Variants in NEDD4L observed in about 807,000 individuals in gnomAD.
NEDD4L encodes NEDD4 like E3 ubiquitin protein ligase, also known as E3 ubiquitin-protein ligase NEDD4-like.
In NEDD4L, 54 loss-of-function variants were observed where a neutral mutation model predicts 148.9. The ratio of observed to expected loss-of-function variants is 0.36; its 90% CI spans 0.29 to 0.45. NEDD4L has a LOEUF of 0.45. NEDD4L is among the 20% of genes least tolerant of loss of function. The pLI, the probability that NEDD4L is intolerant of heterozygous loss-of-function variation, is 1.00. For synonymous variants in NEDD4L, 433 were observed against 440.7 expected, an observed-to-expected ratio of 0.98 and a Z score of 0.22; for missense variants, 856 against 1,233.8, an observed-to-expected ratio of 0.69 and a Z score of 4.59.
At chr18:58,368,699 A>G (rs1436529515) in intron 22 of NEDD4L, among the ~76,000 whole-genome samples, 1 of 152,234 alleles carries the variant, frequency 6.6e-6, no homozygotes, top group Non-Finnish European at 1.5e-5. Flanking sequence ...TACTTTTCCC[A>G]TGAATATGTT....
intron 6 of NEDD4L, among the ~76,000 whole-genome samples, chr18:58,321,040 A>T (rs1264638945): frequency 6.6e-6 from 1 of 152,204 alleles, no homozygotes; most frequent in African/African-American, 2.4e-5. Flanking sequence ...TTTACTACAG[A>T]TCAGATGAAT....
At chr18:58,145,245 G>A (rs891215664) in intron 1 of NEDD4L, among the ~76,000 whole-genome samples, 1 of 152,196 alleles carries the variant, frequency 6.6e-6, no homozygotes, top group African/African-American at 2.4e-5. Flanking sequence ...GGGTCCAAGT[G>A]CCAAGGGACA....
At chr18:58,374,541 TG>T (rs1477613929) in intron 24 of NEDD4L, among the ~76,000 whole-genome samples, 7 of 151,738 alleles carry the variant, frequency 4.6e-5, no homozygotes, top group Admixed American at 3.3e-4. Context: ...ACTGTTCTCC[TG>T]CACGGGGACC....
intron 1 of NEDD4L, among the ~76,000 whole-genome samples, chr18:58,152,082 GCATTACT>G (rs1271681568): frequency 6.6e-6 from 1 of 150,508 alleles, no homozygotes; most frequent in Non-Finnish European, 1.5e-5. Context: ...TATTATGAAG[GCATTACT>G]CATGTTCTTC....
At chr18:58,306,098 A>C (rs2057026390) in intron 5 of NEDD4L, among the ~76,000 whole-genome samples, 1 of 152,202 alleles carries the variant, frequency 6.6e-6, no homozygotes, top group African/African-American at 2.4e-5. Context: ...TAAGCAGGAA[A>C]GGAGAGCCAC....
rs188822830 is a variant in NEDD4L, at chr18:58,355,132, T to G, written c.1709-2062T>G. Among the ~76,000 whole-genome samples the G allele has an allele frequency of 2.1e-3, 314 of 152,048 alleles. 3 individuals carry two copies. Among genetic ancestry groups the G allele is most frequent in the Admixed American group, 0.019 (296 of 15,278 alleles). On this transcript the variant is annotated intron_variant, in intron 18 of 30. Coordinates refer to ENST00000400345, the MANE Select transcript of NEDD4L (RefSeq NM_001144967.3). ...GGGTCGAAATCGTTATTTAGAGAGA[T>G]CCTTTTGGCAGAGCTGTAGAAGATG...
chr18:58,302,517 T>G (rs1447033243), intron 5 of NEDD4L, among the ~76,000 whole-genome samples: 1 of 152,236 alleles, frequency 6.6e-6, no homozygotes, highest in Admixed American at 6.5e-5. Context: ...ACCAGATGAA[T>G]TGAACCACTG....
chr18:58,044,468 A>C lies in NEDD4L; in HGVS notation c.-193A>C. 1 of 610,150 alleles carries C rather than the reference A, an allele frequency of 1.6e-6. No individual in the cohort carries two copies. Among genetic ancestry groups the C allele is most frequent in the Non-Finnish European group, 2.3e-6 (1 of 427,530 alleles). 37.8% of individuals were successfully genotyped at this position (610,150 alleles called of 1,614,324 possible). ...GCTGGTCCCGCAGCCTTCCGGGAGG[A>C]AGCGGTGCCGGCAGCGTCCAGGGCG... On this transcript the variant is annotated 5_prime_UTR_variant, in exon 1 of 31. Coordinates refer to ENST00000400345, the MANE Select transcript of NEDD4L (RefSeq NM_001144967.3).
intron 5 of NEDD4L, among the ~76,000 whole-genome samples, chr18:58,286,480 T>G (rs1202511933): frequency 6.6e-6 from 1 of 152,206 alleles, no homozygotes; most frequent in Non-Finnish European, 1.5e-5. Context: ...AATTTAGTCA[T>G]AAGCGTCTGT....
rs140772706 is a variant in NEDD4L, at chr18:58,200,529, C to T, written c.122+34668C>T. ...ACATATGCAGGCCTATTTTAATTGA[C>T]GGTAAGTCATGAAATACACTATTTT... On this transcript the variant is annotated intron_variant, in intron 2 of 30. Coordinates refer to ENST00000400345, the MANE Select transcript of NEDD4L (RefSeq NM_001144967.3). Among the ~76,000 whole-genome samples the T allele has an allele frequency of 3.9e-3, 590 of 152,254 alleles. 5 individuals carry two copies. Among genetic ancestry groups the T allele is most frequent in the African/African-American group, 0.013 (555 of 41,542 alleles).
At chr18:58,253,174 T>C (rs960593499) in intron 5 of NEDD4L, among the ~76,000 whole-genome samples, 1 of 152,206 alleles carries the variant, frequency 6.6e-6, no homozygotes. Flanking sequence ...ATATTTGAAT[T>C]GGAGGAGCCT....
chr18:58,201,620 A>AGTTTAT (rs755355582), intron 2 of NEDD4L, among the ~76,000 whole-genome samples: 162 of 152,302 alleles, frequency 1.1e-3, no homozygotes, highest in African/African-American at 3.1e-3. Flanking sequence ...CTTGATACAC[A>AGTTTAT]GTTTATGTTT....
intron 9 of NEDD4L, among the ~76,000 whole-genome samples, chr18:58,327,490 A>G (rs1026910714): frequency 6.6e-6 from 1 of 152,230 alleles, no homozygotes; most frequent in Non-Finnish European, 1.5e-5. Flanking sequence ...AGCAATGCCA[A>G]AGGGAGAGGC....
Position 58,396,289 on chromosome 18 carries a change from T to G in NEDD4L, c.*20T>G. 1 of 1,543,094 alleles carries G rather than the reference T, an allele frequency of 6.5e-7. No individual in the cohort carries two copies. ...GATTAAGCACCCTGTGCCTCGGGGG[T>G]GGTTGTTCTTCAAGCAAGTTCTGCT... On this transcript the variant is annotated 3_prime_UTR_variant, in exon 31 of 31. Coordinates refer to ENST00000400345, the MANE Select transcript of NEDD4L (RefSeq NM_001144967.3).
chr18:58,110,110 G>A (rs137898934), intron 1 of NEDD4L, among the ~76,000 whole-genome samples: 132 of 152,280 alleles, frequency 8.7e-4, no homozygotes, highest in African/African-American at 3.1e-3. Context: ...TGAGATAGTT[G>A]GCATCAAGAT....
At chr18:58,367,907 C>T (rs1361003072) in intron 22 of NEDD4L, 40 bp downstream of exon 22, 2 of 1,609,176 alleles carry the variant, frequency 1.2e-6, no homozygotes, top group South Asian at 1.1e-5. Flanking sequence ...GTGCTGCTTG[C>T]GGTTTGCTAG....
chr18:58,103,720 G>C (rs2084905500), intron 1 of NEDD4L, among the ~76,000 whole-genome samples: 1 of 152,214 alleles, frequency 6.6e-6, no homozygotes, highest in Admixed American at 6.5e-5. Context: ...GATAATGCTA[G>C]AAGTGAAACC....
intron 2 of NEDD4L, among the ~76,000 whole-genome samples, chr18:58,173,540 T>C (rs2037754133): frequency 6.6e-6 from 1 of 152,188 alleles, no homozygotes; most frequent in South Asian, 2.1e-4. Flanking sequence ...TTGAGAGTGA[T>C]GGGGTCCTAA....
chr18:58,273,074 C>T (rs1458059263), intron 5 of NEDD4L, among the ~76,000 whole-genome samples: 1 of 152,142 alleles, frequency 6.6e-6, no homozygotes, highest in Non-Finnish European at 1.5e-5. Flanking sequence ...GCGGAAGCAG[C>T]CGTTCGCCCA....
Sources: allele counts gnomAD v4.1 joint callset (sites outside exome capture counted in the v4.1 genomes callset), GRCh38; gene constraint gnomAD v4.1.1; transcripts MANE v1.5; gene names NCBI Gene and HGNC (gene_info 2026-07-23, HGNC 2026-07-21).